CHD2: variants seen among roughly 807,000 people sequenced by gnomAD.
The protein encoded by CHD2 is chromodomain helicase DNA binding protein 2.
A neutral mutation model predicts 243.9 loss-of-function variants in CHD2; 28 were observed. That is an observed-to-expected ratio of 0.11 (90% CI 0.09 to 0.16). CHD2 has a LOEUF of 0.16. Among genes scored for constraint, CHD2 ranks in the 10% least tolerant of loss-of-function variants. The pLI is 1.00. For synonymous variants in CHD2, 775 were observed against 779.0 expected, an observed-to-expected ratio of 0.99 and a Z score of 0.09; for missense variants, 1,386 against 2,209.8, an observed-to-expected ratio of 0.63 and a Z score of 7.47.
chr15:92,968,945 C>G (rs995639970), intron 17 of CHD2, among the ~76,000 whole-genome samples: 1 of 152,180 alleles, frequency 6.6e-6, no homozygotes, highest in African/African-American at 2.4e-5. Flanking sequence ...ATTAAGTGTT[C>G]CACATCCATC....
intron 37 of CHD2, among the ~76,000 whole-genome samples, chr15:93,015,161 C>T (rs1249640789): frequency 6.6e-6 from 1 of 152,186 alleles, no homozygotes; most frequent in African/African-American, 2.4e-5. Context: ...TCACTGCAAC[C>T]TCCACCTCCT....
intron 2 of CHD2, chr15:92,902,536 A>G (rs922568814): frequency 5.3e-6 from 1 of 187,174 alleles, no homozygotes; most frequent in Admixed American, 6.1e-5. Context: ...GCTGAATTCT[A>G]TTTATTTTAT....
intron 7 of CHD2, among the ~76,000 whole-genome samples, chr15:92,940,995 A>G (rs1555439249): frequency 8.8e-6 from 1 of 113,854 alleles, no homozygotes; most frequent in Admixed American, 1.1e-4. Context: ...ATATATATAA[A>G]TATATATATA....
At chr15:92,963,704 A>C (rs1192808097) in intron 16 of CHD2, among the ~76,000 whole-genome samples, 1 of 152,198 alleles carries the variant, frequency 6.6e-6, no homozygotes, top group East Asian at 1.9e-4. Context: ...TGATTAAAAG[A>C]TGTCCCGTAT....
At chr15:92,945,555 G>A (rs532094426) in intron 10 of CHD2, 89 of 131,516 alleles carry the variant, frequency 6.8e-4, no homozygotes, top group Non-Finnish European at 6.6e-4. Flanking sequence ...CCCCCACCAC[G>A]CCCGGCTAAT....
intron 16 of CHD2, among the ~76,000 whole-genome samples, chr15:92,957,015 A>G (rs1479225561): frequency 6.6e-6 from 1 of 152,258 alleles, no homozygotes; most frequent in African/African-American, 2.4e-5. Flanking sequence ...CAAATATCTG[A>G]TAACCGAAGC....
At position 93,012,087 on chromosome 15, in the gene CHD2, G is replaced by C. The variant is rs143092287; in HGVS notation, c.4593-258G>C. On this transcript the variant is annotated intron_variant, in intron 35 of 38. Coordinates refer to ENST00000394196, the MANE Select transcript of CHD2 (RefSeq NM_001271.4). The stretch of plus-strand genomic sequence containing the variant: ...ACATAACGTTGTTTCCTTCAGCTTT[G>C]TTTCATTATAACATTGATGAGAAAA... 1.0e-2 allele frequency among the ~76,000 whole-genome samples: 1,521 copies of C among 152,120 alleles called. 17 individuals are homozygous for C. Among genetic ancestry groups the C allele is most frequent in the Non-Finnish European group, 0.012 (787 of 67,996 alleles).
chr15:92,970,041 T>C (rs2053820903), intron 17 of CHD2, among the ~76,000 whole-genome samples: 1 of 152,154 alleles, frequency 6.6e-6, no homozygotes. Context: ...GATTTATTTA[T>C]TTCATTTTAG....
At chr15:92,923,261 T>G (rs970411740) in intron 2 of CHD2, among the ~76,000 whole-genome samples, 1 of 152,150 alleles carries the variant, frequency 6.6e-6, no homozygotes, top group African/African-American at 2.4e-5. Flanking sequence ...GCTTTGTTTT[T>G]TTTGTTTTTG....
At chr15:92,976,283 A>G (rs2053907112) in intron 20 of CHD2, among the ~76,000 whole-genome samples, 1 of 152,216 alleles carries the variant, frequency 6.6e-6, no homozygotes, top group Non-Finnish European at 1.5e-5. Context: ...TTTCTGCAGT[A>G]TTTTAAAAAT....
At chr15:92,970,017 C>T (rs2053820518) in intron 17 of CHD2, among the ~76,000 whole-genome samples, 1 of 151,792 alleles carries the variant, frequency 6.6e-6, no homozygotes, top group Non-Finnish European at 1.5e-5. Flanking sequence ...CTTTAGGCAA[C>T]TAATGGTTAC....
At chr15:92,934,780 C>T (rs2053235677) in intron 5 of CHD2, among the ~76,000 whole-genome samples, 2 of 152,132 alleles carry the variant, frequency 1.3e-5, no homozygotes, top group African/African-American at 4.8e-5. Flanking sequence ...TGAAAGAATC[C>T]AACCAATTTC....
Position 92,941,935 on chromosome 15 carries a change from C to T in CHD2, c.806C>T (p.Ser269Leu). 6.2e-7 allele frequency: 1 copy of T among 1,612,524 alleles called. No homozygotes were observed. The highest frequency in any genetic ancestry group is 8.5e-7 in the Non-Finnish European group (1 of 1,179,388). Reference sequence around the variant, plus strand: ...GAAACTATTGAAAAGGTCTTAGATTCAAGACTGGGAAAGAAAGGAGGTATG... The same window carrying T: ...GAAACTATTGAAAAGGTCTTAGATTTAAGACTGGGAAAGAAAGGAGGTATG... ...NSETIEKVLD[S>L]RLGKKGATGA... Residue 269 changes from serine to leucine, a missense_variant, in exon 8 of 39, where the codon TCA becomes TTA. By Grantham distance (145) the Ser-to-Leu change is moderately radical (BLOSUM62 -2). Transcript: ENST00000394196.
Position 92,997,426 on chromosome 15 carries a change from A to T in CHD2, c.3885+23A>T. 1 of 1,525,246 alleles carries T rather than the reference A, an allele frequency of 6.6e-7. No homozygotes were observed. Among genetic ancestry groups the T allele is most frequent in the East Asian group, 2.3e-5 (1 of 43,464 alleles). The allele number at this position is 1,525,246 out of a possible 1,614,324, so 94.5% of individuals were successfully genotyped here. A position where few individuals can be genotyped will look rare whatever the true frequency, so the allele number is the denominator to read the frequency against. On this transcript the variant is annotated intron_variant, in intron 30 of 38. Transcript: ENST00000394196. This position sits in a 1 kb window ranked among gnomAD's most constrained non-coding sequence, Gnocchi z 4.1. ...AAAGTAAGTAACCCTACCATGCTAG[A>T]GATTTCTAGAAGATTTGTTGTGTAA...
intron 21 of CHD2, among the ~76,000 whole-genome samples, 180 bp downstream of exon 21, chr15:92,978,563 T>TA (rs2053937934): frequency 6.6e-6 from 1 of 152,222 alleles, no homozygotes; most frequent in Non-Finnish European, 1.5e-5. Context: ...ATGAACCTAT[T>TA]AAGGAACTTT....
At chr15:93,000,758 A>G in intron 32 of CHD2, 118 bp downstream of exon 32, 1 of 1,123,144 alleles carries the variant, frequency 8.9e-7, no homozygotes, top group African/African-American at 1.6e-5. Flanking sequence ...ATGGAAATAG[A>G]ATATGTAAGT....
At chr15:92,923,125 T>C (rs2052990852) in intron 2 of CHD2, among the ~76,000 whole-genome samples, 1 of 152,232 alleles carries the variant, frequency 6.6e-6, no homozygotes, top group Non-Finnish European at 1.5e-5. Context: ...AGGCAGGGCC[T>C]CTGGATTGAA....
At chr15:92,922,724 A>C (rs1219329309) in intron 2 of CHD2, among the ~76,000 whole-genome samples, 1 of 152,174 alleles carries the variant, frequency 6.6e-6, no homozygotes, top group African/African-American at 2.4e-5. Context: ...AAAGATGGGT[A>C]GTTTTTAAGC....
At chr15:92,905,545 G>A (rs1285893384) in intron 2 of CHD2, among the ~76,000 whole-genome samples, 1 of 152,182 alleles carries the variant, frequency 6.6e-6, no homozygotes, top group Non-Finnish European at 1.5e-5. Flanking sequence ...TTACTTCAAA[G>A]GAGATGTTGA....
Sources: allele counts gnomAD v4.1 joint callset (sites outside exome capture counted in the v4.1 genomes callset), GRCh38; gene constraint gnomAD v4.1.1; non-coding constraint Gnocchi (gnomAD v3.1); transcripts MANE v1.5; gene names NCBI Gene and HGNC (gene_info 2026-07-23, HGNC 2026-07-21).